VAV2: variants seen among roughly 807,000 people sequenced by gnomAD.
VAV2 encodes the protein vav guanine nucleotide exchange factor 2.
A neutral mutation model predicts 132.5 loss-of-function variants in VAV2; 67 were observed. The ratio of observed to expected loss-of-function variants is 0.51; its 90% CI spans 0.42 to 0.62. VAV2 has a LOEUF of 0.62. Among genes scored for constraint, VAV2 ranks in the 20% least tolerant of loss-of-function variants. The pLI is 0.00. For synonymous variants in VAV2, 492 were observed against 443.5 expected (o/e 1.11, Z -1.37); for missense variants, 938 against 1,153.6 (o/e 0.81, Z 2.71).
rs528623482 is a variant in VAV2 at position 133,885,944 on chromosome 9, G to A, written c.322-24512C>T. 7.2e-5 allele frequency among the ~76,000 whole-genome samples: 11 copies of A among 152,282 alleles called. No homozygotes were observed. The highest frequency in any genetic ancestry group is 2.4e-4 in the African/African-American group (10 of 41,548). ...GCTACCTACAAACTCACCATTAAGG[G>A]GACTATGCTAGACAACCAACTTTAA... is the stretch of plus-strand genomic sequence containing the variant. On this transcript the variant is annotated intron_variant, in intron 2 of 29. Coordinates refer to ENST00000371850, the MANE Select transcript of VAV2 (RefSeq NM_001134398.2). The surrounding 1 kb of genome is among the most constrained non-coding windows in gnomAD (Gnocchi z 5.0).
intron 2 of VAV2, among the ~76,000 whole-genome samples, chr9:133,934,069 A>ATG (rs1564477801): frequency 1.3e-5 from 2 of 149,332 alleles, no homozygotes; most frequent in African/African-American, 2.5e-5. Flanking sequence ...ATTGATGGAT[A>ATG]GATGGATGGT....
At position 133,778,785 on chromosome 9, in the gene VAV2, C is replaced by T. The variant is rs755378842; in HGVS notation, c.1867G>A (p.Asp623Asn). The T allele has an allele frequency of 6.8e-6, 11 of 1,612,770 alleles. No individual in the cohort carries two copies. Among genetic ancestry groups the T allele is most frequent in the Admixed American group, 3.3e-5 (2 of 60,006 alleles). The change falls in exon 22 of 30, where the codon GAC (aspartate) becomes AAC (asparagine). Residue 623 changes from aspartate (D) to asparagine (N), a missense_variant. Asp to Asn is a conservative substitution (Grantham distance 23). Coordinates refer to ENST00000371850, the MANE Select transcript of VAV2 (RefSeq NM_001134398.2). ...TGDVLELLRGDPESPWWEGRL... is the reference protein window; with the variant it reads ...TGDVLELLRGNPESPWWEGRL... ...ACCTCCCACCACGGAGACTCAGGGT[C>T]GCCCCTCAGCAGCTCAAGCACGTCG...
intron 2 of VAV2, among the ~76,000 whole-genome samples, chr9:133,925,499 T>C (rs1047954250): frequency 2.0e-5 from 3 of 152,236 alleles, no homozygotes. Flanking sequence ...ATTACAGGCA[T>C]GAGCCACTGT....
In VAV2 at chr9:133,788,793, A is replaced by C. The variant is rs554305503; in HGVS notation, c.1275-307T>G. Among the ~76,000 whole-genome samples, 3 of 152,208 alleles carry C rather than the reference A, an allele frequency of 2.0e-5. No homozygotes were observed. The East Asian group carries it at 5.8e-4, about 30-fold the overall frequency. ...GCACTGACCCCCGACGGCTACTCCC[A>C]GTTGATCCCGCGCTGGACTGGGAGC... On this transcript the variant is annotated intron_variant, in intron 14 of 29. Coordinates refer to ENST00000371850, the MANE Select transcript of VAV2 (RefSeq NM_001134398.2). The surrounding 1 kb of genome is among the most constrained non-coding windows in gnomAD (Gnocchi z 5.3).
At chr9:133,808,642 C>A (rs1835244563) in intron 7 of VAV2, among the ~76,000 whole-genome samples, 1 of 152,204 alleles carries the variant, frequency 6.6e-6, no homozygotes, top group South Asian at 2.1e-4. Context: ...CCCAGCCCCC[C>A]ATGGAAGCTT....
chr9:133,788,650 C>T lies in VAV2; in HGVS notation c.1275-164G>A, dbSNP rs762323358. On this transcript the variant is annotated intron_variant, in intron 14 of 29. Transcript: ENST00000371850. This position sits in a 1 kb window ranked among gnomAD's most constrained non-coding sequence, Gnocchi z 5.3. Reference sequence around the variant, plus strand: ...CTAATGCTGAGCCTCGGTCAGGTCTCGGCTGTTCCCACACTGCTTCTCCAG... The same window carrying T: ...CTAATGCTGAGCCTCGGTCAGGTCTTGGCTGTTCCCACACTGCTTCTCCAG... Among the ~76,000 whole-genome samples the T allele has an allele frequency of 4.1e-4, 62 of 152,132 alleles. No individual in the cohort carries two copies. The highest frequency in any genetic ancestry group is 7.6e-4 in the Non-Finnish European group (52 of 68,006).
chr9:133,952,341 C>T (rs1196361621), intron 1 of VAV2, among the ~76,000 whole-genome samples: 5 of 152,038 alleles, frequency 3.3e-5, no homozygotes, highest in African/African-American at 9.7e-5. Context: ...CGGTGGCTCA[C>T]GTCTATAGTC....
chr9:133,898,816 CTTTTTTTTTT>C (rs60943412), intron 2 of VAV2, among the ~76,000 whole-genome samples: 1 of 82,460 alleles, frequency 1.2e-5, no homozygotes, highest in Non-Finnish European at 2.4e-5. Flanking sequence ...CAGACCCTGC[CTTTTTTTTTT>C]TTTTTTTTTT....
intron 1 of VAV2, among the ~76,000 whole-genome samples, chr9:133,980,873 G>C (rs554582137): frequency 6.6e-6 from 1 of 151,470 alleles, no homozygotes; most frequent in African/African-American, 2.5e-5. Context: ...GCCACACAGA[G>C]CCCTCTCTGT....
chr9:133,895,242 G>C (rs926268063), intron 2 of VAV2, among the ~76,000 whole-genome samples: 1 of 151,904 alleles, frequency 6.6e-6, no homozygotes, highest in Non-Finnish European at 1.5e-5. Context: ...AAAGGTGACC[G>C]CAGGAGAATT....
chr9:133,896,218 C>T lies in VAV2; in HGVS notation c.322-34786G>A, dbSNP rs537813939. Among the ~76,000 whole-genome samples the T allele has an allele frequency of 1.7e-4, 26 of 152,220 alleles. No individual in the cohort carries two copies. The South Asian group carries it at 4.8e-3, about 28-fold the overall frequency. ...GCCTATAATCCCAGCACTTTGGGAG[C>T]GCGAGGCATGCGGATCACTTGAGGT... On this transcript the variant is annotated intron_variant, in intron 2 of 29. Coordinates refer to ENST00000371850, the MANE Select transcript of VAV2 (RefSeq NM_001134398.2).
chr9:133,827,009 C>CA lies in VAV2; in HGVS notation c.449+7262dup, dbSNP rs535165836. Among the ~76,000 whole-genome samples, 12 of 152,314 alleles carry CA rather than the reference C, an allele frequency of 7.9e-5. No individual in the cohort carries two copies. The South Asian group carries it at 8.3e-4, about 11-fold the overall frequency. ...GCCTGGAAGCATTCCCAGGGCCCCC[C>CA]ACAGACTGCAGCGGACCACGCCCAG... On this transcript the variant is annotated intron_variant, in intron 4 of 29. Coordinates refer to ENST00000371850, the MANE Select transcript of VAV2 (RefSeq NM_001134398.2).
At chr9:133,983,721 G>T (rs562269767) in intron 1 of VAV2, among the ~76,000 whole-genome samples, 44 of 152,044 alleles carry the variant, frequency 2.9e-4, no homozygotes, top group South Asian at 1.5e-3. Flanking sequence ...CCTGAGCCTG[G>T]AATCCCACTC....
At chr9:133,789,592 T>C (rs1025657399) in intron 13 of VAV2, among the ~76,000 whole-genome samples, 3 of 152,208 alleles carry the variant, frequency 2.0e-5, no homozygotes, top group Admixed American at 6.5e-5. Flanking sequence ...AGGGGCTCCC[T>C]TCAGCTCTGG....
At chr9:133,953,130 A>C (rs1490671673) in intron 1 of VAV2, among the ~76,000 whole-genome samples, 1 of 152,068 alleles carries the variant, frequency 6.6e-6, no homozygotes, top group Non-Finnish European at 1.5e-5. Context: ...CTCCAGAGGC[A>C]GCACAGCCCT....
chr9:133,931,147 T>C (rs544576232), intron 2 of VAV2, among the ~76,000 whole-genome samples: 35 of 152,280 alleles, frequency 2.3e-4, no homozygotes, highest in African/African-American at 7.9e-4. Context: ...AGCATCAGAC[T>C]TCACTCGGAA....
intron 2 of VAV2, among the ~76,000 whole-genome samples, chr9:133,897,401 T>C (rs1247688040): frequency 1.3e-5 from 2 of 152,118 alleles, no homozygotes; most frequent in Non-Finnish European, 2.9e-5. Context: ...TCTGCCCCCC[T>C]GTAACCCACC....
intron 4 of VAV2, among the ~76,000 whole-genome samples, chr9:133,816,443 T>C (rs760975667): frequency 2.8e-4 from 43 of 152,252 alleles, no homozygotes; most frequent in Admixed American, 3.3e-4. Context: ...TTATCGGAAC[T>C]TCATAGTTTT....
intron 1 of VAV2, among the ~76,000 whole-genome samples, chr9:133,965,945 G>A (rs548204646): frequency 1.3e-5 from 2 of 152,138 alleles, no homozygotes; most frequent in South Asian, 4.2e-4. Flanking sequence ...CACATACCTA[G>A]ACCAATGGAA....
Sources: allele counts gnomAD v4.1 joint callset (sites outside exome capture counted in the v4.1 genomes callset), GRCh38; gene constraint gnomAD v4.1.1; non-coding constraint Gnocchi (gnomAD v3.1); transcripts MANE v1.5; gene names NCBI Gene and HGNC (gene_info 2026-07-23, HGNC 2026-07-21).